COMMD10: variants seen among roughly 807,000 people sequenced by gnomAD.
COMMD10 encodes COMM domain-containing protein 10.
COMMD10 carries 33 observed loss-of-function variants against 28.9 expected under a neutral mutation model. That is an observed-to-expected ratio of 1.14 (90% CI 0.87 to 1.53). The LOEUF is 1.53. Among genes scored for constraint, COMMD10 ranks in the 40% most tolerant of loss-of-function variants. COMMD10 has a pLI of 0.00. For missense variants in COMMD10, 310 were observed against 233.4 expected, an observed-to-expected ratio of 1.33 and a Z score of -2.14; for synonymous variants, 110 against 81.7, an observed-to-expected ratio of 1.35 and a Z score of -1.87.
In COMMD10 at chr5:116,085,040, G is replaced by A. The variant is rs779596729; in HGVS notation, c.-13G>A. 25 of 1,605,954 alleles carry A rather than the reference G, an allele frequency of 1.6e-5. No homozygotes were observed. Among genetic ancestry groups the A allele is most frequent in the Admixed American group, 6.8e-5 (4 of 59,176 alleles). On this transcript the variant is annotated 5_prime_UTR_variant, in exon 1 of 7. Coordinates refer to ENST00000274458, the MANE Select transcript of COMMD10 (RefSeq NM_016144.4). ...CGCAGCTAACAGACGGCGGCAGTGCGAGAAAGCCGAAGATGGCGGTCCCCG... is the reference window on the plus strand; with the variant it reads ...CGCAGCTAACAGACGGCGGCAGTGCAAGAAAGCCGAAGATGGCGGTCCCCG...
chr5:116,265,495 AACATT>A (rs527766336), intron 5 of COMMD10, among the ~76,000 whole-genome samples: 55 of 151,894 alleles, frequency 3.6e-4, no homozygotes, highest in Admixed American at 2.4e-3. Flanking sequence ...GCTTATTTAA[AACATT>A]ACATATGAGA....
At chr5:116,282,885 T>G (rs1163473453) in intron 5 of COMMD10, among the ~76,000 whole-genome samples, 1 of 151,896 alleles carries the variant, frequency 6.6e-6, no homozygotes, top group East Asian at 1.9e-4. Context: ...CTTAAAAATT[T>G]TGAGAACACA....
At chr5:116,259,513 A>T (rs2112684087) in intron 5 of COMMD10, among the ~76,000 whole-genome samples, 1 of 148,882 alleles carries the variant, frequency 6.7e-6, no homozygotes, top group Non-Finnish European at 1.5e-5. Context: ...TTTCTTGCTA[A>T]TTTTTCCTCA....
chr5:116,278,478 A>G (rs1216671549), intron 5 of COMMD10, among the ~76,000 whole-genome samples: 1 of 151,858 alleles, frequency 6.6e-6, no homozygotes, highest in East Asian at 1.9e-4. Context: ...GAAGGAAAAT[A>G]TAGTGATGAT....
chr5:116,163,714 G>T (rs1752998960), intron 5 of COMMD10, among the ~76,000 whole-genome samples: 1 of 152,146 alleles, frequency 6.6e-6, no homozygotes, highest in Non-Finnish European at 1.5e-5. Context: ...GAATTAGTCA[G>T]AGATTATTCT....
chr5:116,129,428 A>AG (rs1323205177), intron 4 of COMMD10, among the ~76,000 whole-genome samples: 4 of 28,388 alleles, frequency 1.4e-4, no homozygotes, highest in Non-Finnish European at 2.9e-4. Flanking sequence ...ATTAGTATAT[A>AG]TATACTATAT....
chr5:116,255,576 TA>T (rs1236608171), intron 5 of COMMD10, among the ~76,000 whole-genome samples: 1 of 151,746 alleles, frequency 6.6e-6, no homozygotes, highest in Non-Finnish European at 1.5e-5. Context: ...CTGCAGAAAC[TA>T]CTTTTACCTC....
intron 5 of COMMD10, among the ~76,000 whole-genome samples, chr5:116,158,819 A>G (rs931045072): frequency 3.3e-4 from 50 of 150,388 alleles, no homozygotes; most frequent in African/African-American, 1.2e-3. Flanking sequence ...ATTAATGTAC[A>G]TTATGTAATG....
chr5:116,198,998 G>C (rs998752008), intron 5 of COMMD10, among the ~76,000 whole-genome samples: 1 of 152,048 alleles, frequency 6.6e-6, no homozygotes, highest in Non-Finnish European at 1.5e-5. Flanking sequence ...TGGATTGTAT[G>C]GTAACAGCAT....
At chr5:116,131,228 G>A (rs1751850623) in intron 4 of COMMD10, among the ~76,000 whole-genome samples, 2 of 151,986 alleles carry the variant, frequency 1.3e-5, no homozygotes, top group Admixed American at 1.3e-4. Context: ...TATGTAACTT[G>A]CTTAAGGTCA....
intron 4 of COMMD10, among the ~76,000 whole-genome samples, chr5:116,123,160 T>G (rs1384584178): frequency 6.6e-6 from 1 of 152,128 alleles, no homozygotes; most frequent in East Asian, 1.9e-4. Context: ...ATACTTAGTT[T>G]ATTGGAATAC....
intron 5 of COMMD10, among the ~76,000 whole-genome samples, chr5:116,154,136 C>A (rs187878556): frequency 6.0e-4 from 91 of 152,110 alleles, no homozygotes; most frequent in East Asian, 2.5e-3. Flanking sequence ...TGCGTTATTA[C>A]TTAACTGCTT....
chr5:116,191,213 G>A (rs116228217), intron 5 of COMMD10, among the ~76,000 whole-genome samples: 434 of 152,228 alleles, frequency 2.9e-3, no homozygotes, highest in East Asian at 8.3e-3. Flanking sequence ...GTGGCCAGAG[G>A]AGCAGGGGGC....
intron 5 of COMMD10, among the ~76,000 whole-genome samples, chr5:116,255,151 G>C (rs1750244834): frequency 6.6e-6 from 1 of 151,556 alleles, no homozygotes; most frequent in African/African-American, 2.4e-5. Context: ...CATTTGCTTG[G>C]TAGATCTTCC....
chr5:116,193,320 A>T (rs754462269), intron 5 of COMMD10, among the ~76,000 whole-genome samples: 1 of 152,226 alleles, frequency 6.6e-6, no homozygotes, highest in Non-Finnish European at 1.5e-5. Context: ...TCACATATCA[A>T]TACTGACATT....
intron 5 of COMMD10, among the ~76,000 whole-genome samples, chr5:116,284,474 A>G (rs763472798): frequency 1.3e-5 from 2 of 151,888 alleles, no homozygotes; most frequent in Non-Finnish European, 2.9e-5. Context: ...CCATAAGGGT[A>G]ATTCTCTTCT....
chr5:116,264,346 C>G (rs918153675), intron 5 of COMMD10, among the ~76,000 whole-genome samples: 1 of 151,726 alleles, frequency 6.6e-6, no homozygotes, highest in East Asian at 1.9e-4. Context: ...AGTTTATTCC[C>G]TTTAGTAGTT....
At chr5:116,289,472 G>A (rs1751308238) in intron 5 of COMMD10, among the ~76,000 whole-genome samples, 1 of 151,764 alleles carries the variant, frequency 6.6e-6, no homozygotes. Context: ...GCTCCCTCTG[G>A]CACCTGCCCG....
At chr5:116,272,180 A>G (rs535934550) in intron 5 of COMMD10, among the ~76,000 whole-genome samples, 4 of 152,012 alleles carry the variant, frequency 2.6e-5, no homozygotes, top group South Asian at 2.1e-4. Flanking sequence ...TTCTTTTGGA[A>G]TTGAGGAATT....
Sources: allele counts gnomAD v4.1 joint callset (sites outside exome capture counted in the v4.1 genomes callset), GRCh38; gene constraint gnomAD v4.1.1; transcripts MANE v1.5; gene names NCBI Gene and HGNC (gene_info 2026-07-23, HGNC 2026-07-21).